Variants in ATAD3B observed in about 807,000 individuals in gnomAD.
ATAD3B encodes the protein ATPase family AAA domain containing 3B.
Under a neutral mutation model 70.2 loss-of-function variants are expected in ATAD3B, and 59 were observed. That is an observed-to-expected ratio of 0.84 (90% CI 0.68 to 1.04). The LOEUF is 1.04. Among genes scored for constraint, ATAD3B ranks in the 50% least tolerant of loss-of-function variants. ATAD3B has a pLI of 0.00. For missense variants in ATAD3B, 961 were observed against 913.4 expected (o/e 1.05, Z -0.67); for synonymous variants, 423 against 388.6 (o/e 1.09, Z -1.04).
At chr1:1,482,930 G>A (rs1640000365) in intron 7 of ATAD3B, 2 of 505,800 alleles carry the variant, frequency 4.0e-6, no homozygotes, top group South Asian at 1.6e-5. Flanking sequence ...AAGCCCAGGA[G>A]GTTTGGGCTG....
chr1:1,495,792 G>C lies in ATAD3B; in HGVS notation c.1922G>C (p.Cys641Ser). ...RMSCGGGRPFCPPGHPLL is the reference protein window; with the variant it reads ...RMSCGGGRPFSPPGHPLL ...TCTTGTGGTGGCGGTCGGCCGTTCT[G>C]CCCCCCAGGGCACCCCCTGTTGTAG... is the stretch of plus-strand genomic sequence containing the variant. Residue 641 changes from cysteine (C) to serine (S), a missense_variant, in exon 16 of 16, where the codon TGC becomes TCC. Cys to Ser is a moderately radical substitution (Grantham distance 112). This residue lies in a region of ATAD3B where 417 missense variants were observed against 335.0 expected (regional missense o/e 1.24). Coordinates refer to ENST00000673477, the MANE Select transcript of ATAD3B (RefSeq NM_031921.6). 2.5e-6 allele frequency: 4 copies of C among 1,592,348 alleles called. No individual in the cohort carries two copies. The highest frequency in any genetic ancestry group is 3.4e-6 in the Non-Finnish European group (4 of 1,168,934).
the ATAD3B span, chr1:1,503,133 G>A: frequency 6.4e-6 from 1 of 156,626 alleles, no homozygotes; most frequent in Non-Finnish European, 1.4e-5. Flanking sequence ...TGAGGCAGGA[G>A]AAATGGCACG....
the ATAD3B span, chr1:1,503,564 CTG>C: frequency 1.9e-6 from 3 of 1,604,052 alleles, no homozygotes; most frequent in Non-Finnish European, 2.6e-6. Flanking sequence ...CACCCGCCCT[CTG>C]TGCCCCTGTG....
chr1:1,476,665 C>T (rs546970945), intron 1 of ATAD3B, among the ~76,000 whole-genome samples: 17 of 151,810 alleles, frequency 1.1e-4, no homozygotes, highest in South Asian at 2.1e-4. Context: ...CCCGCCGCCA[C>T]GCCCGGCTAA....
chr1:1,486,493 G>C (rs752073214), intron 10 of ATAD3B, 51 bp from the exon 11 acceptor site: 1 of 1,611,776 alleles, frequency 6.2e-7, no homozygotes, highest in South Asian at 1.1e-5. Flanking sequence ...TGCAGGCTTT[G>C]CAGAGGCAGA....
chr1:1,482,098 G>C (rs1194856847), intron 5 of ATAD3B, 40 bp from the exon 6 acceptor site: 1 of 1,592,002 alleles, frequency 6.3e-7, no homozygotes, highest in South Asian at 1.1e-5. Flanking sequence ...TGGACGTGCT[G>C]CACTGCATGG....
the ATAD3B span, among the ~76,000 whole-genome samples, chr1:1,506,931 G>C: frequency 6.6e-6 from 1 of 152,108 alleles, no homozygotes; most frequent in South Asian, 2.1e-4. Context: ...GGGAATACAG[G>C]CGCCTGCCAC....
At chr1:1,473,310 T>G (rs1199546111) in intron 1 of ATAD3B, among the ~76,000 whole-genome samples, 1 of 150,474 alleles carries the variant, frequency 6.6e-6, no homozygotes, top group Admixed American at 6.7e-5. Flanking sequence ...CGGCTAATTT[T>G]GTAGAGATGG....
chr1:1,481,941 G>A (rs1379716497), intron 5 of ATAD3B, among the ~76,000 whole-genome samples, 197 bp from the exon 6 acceptor site: 1 of 138,960 alleles, frequency 7.2e-6, no homozygotes, highest in Non-Finnish European at 1.5e-5. Flanking sequence ...TGTCTGTGGC[G>A]TGGGCCGGTC....
chr1:1,498,946 C>T (rs1055267779), downstream of ATAD3B, among the ~76,000 whole-genome samples: 2 of 151,082 alleles, frequency 1.3e-5, no homozygotes, highest in African/African-American at 4.9e-5. Flanking sequence ...ACACAGGTAG[C>T]CCCTACTGCT....
intron 15 of ATAD3B, 25 bp from the exon 16 acceptor site, chr1:1,495,460 C>A: frequency 1.3e-6 from 2 of 1,576,780 alleles, no homozygotes; most frequent in Non-Finnish European, 1.7e-6. Flanking sequence ...TAGCGGCCTC[C>A]CTCAGCTCCC....
intron 15 of ATAD3B, among the ~76,000 whole-genome samples, chr1:1,491,579 A>C (rs1184217102): frequency 6.6e-6 from 1 of 151,938 alleles, no homozygotes. Flanking sequence ...AAGCAAAACC[A>C]GGTCTGTGGG....
chr1:1,482,373 G>A (rs1405650674), intron 6 of ATAD3B, 70 bp downstream of exon 6: 56 of 1,571,290 alleles, frequency 3.6e-5, no homozygotes, highest in South Asian at 4.7e-5. Context: ...GTCCCAGGGC[G>A]CTCTCCAGCT....
At chr1:1,507,404 C>T in the ATAD3B span, among the ~76,000 whole-genome samples, 4 of 152,262 alleles carry the variant, frequency 2.6e-5, no homozygotes, top group Admixed American at 2.6e-4. Context: ...TGGTCAAATG[C>T]TTTTCCTGCG....
At chr1:1,488,542 C>T (rs369188243) in intron 12 of ATAD3B, among the ~76,000 whole-genome samples, 1 of 152,114 alleles carries the variant, frequency 6.6e-6, no homozygotes, top group East Asian at 1.9e-4. Context: ...AGGTGGATGA[C>T]GAGGTCAGGA....
At chr1:1,489,586 T>C in intron 13 of ATAD3B, 3 of 1,146,590 alleles carry the variant, frequency 2.6e-6, no homozygotes, top group Non-Finnish European at 2.4e-6. Flanking sequence ...GTCTGATTGC[T>C]GCCGCCCAGA....
chr1:1,474,524 G>C (rs975715635), intron 1 of ATAD3B, among the ~76,000 whole-genome samples: 4 of 143,948 alleles, frequency 2.8e-5, no homozygotes, highest in African/African-American at 7.8e-5. Context: ...TTTTGAGACT[G>C]AGTCTGGCTC....
rs532001704 is a variant in ATAD3B, at chr1:1,485,931, C to T, written c.963+93C>T. 12 of 1,604,564 alleles carry T rather than the reference C, an allele frequency of 7.5e-6. No homozygotes were observed. The African/African-American group carries it at 1.2e-4, about 16-fold the overall frequency. On this transcript the variant is annotated intron_variant, in intron 9 of 15. Coordinates refer to ENST00000673477, the MANE Select transcript of ATAD3B (RefSeq NM_031921.6). ...CCTTGCTAGCGCTCGTGGTGGCGCC[C>T]AGGAGCTTTTGGGTCCTGAGATGCA...
Position 1,490,297 on chromosome 1 carries a change from G to A in ATAD3B, c.1378G>A (p.Asp460Asn), listed in dbSNP as rs139696347. Residue 460 changes from aspartate to asparagine, a missense_variant, in exon 14 of 16, where the codon GAC (aspartate) becomes AAC (asparagine). Physicochemically the swap from Asp to Asn is conservative, Grantham distance 23. Transcript: ENST00000673477. Reference protein sequence around the residue: ...VLASNLPEQFDCAINSRIDVM... With the variant: ...VLASNLPEQFNCAINSRIDVM... Reference sequence around the variant, plus strand: ...GGCCAGCAATCTGCCTGAGCAGTTCGACTGTGCCATCAACAGCCGCATTGA... The same window carrying A: ...GGCCAGCAATCTGCCTGAGCAGTTCAACTGTGCCATCAACAGCCGCATTGA... The A allele has an allele frequency of 2.2e-5, 35 of 1,613,006 alleles. 1 individual carries two copies. The African/African-American group carries it at 2.9e-4, about 14-fold the overall frequency.
Sources: allele counts gnomAD v4.1 joint callset (sites outside exome capture counted in the v4.1 genomes callset), GRCh38; gene constraint gnomAD v4.1.1; regional missense constraint gnomAD v4.1.1; transcripts MANE v1.5; gene names NCBI Gene and HGNC (gene_info 2026-07-23, HGNC 2026-07-21).